PTDSS1: variants seen among roughly 807,000 people sequenced by gnomAD.
The protein encoded by PTDSS1 is phosphatidylserine synthase 1.
Under a neutral mutation model 70.5 loss-of-function variants are expected in PTDSS1, and 45 were observed. The ratio of observed to expected loss-of-function variants is 0.64; its 90% CI spans 0.50 to 0.82. PTDSS1 has a LOEUF of 0.82. Ranked by LOEUF, PTDSS1 falls within the 40% of genes least tolerant of loss-of-function variation. The pLI is 0.00. For synonymous variants in PTDSS1, 188 were observed against 203.8 expected, an observed-to-expected ratio of 0.92 and a Z score of 0.66; for missense variants, 417 against 586.1, an observed-to-expected ratio of 0.71 and a Z score of 2.98.
At chr8:96,303,617 G>A (rs1811080250) in intron 6 of PTDSS1, among the ~76,000 whole-genome samples, 2 of 152,188 alleles carry the variant, frequency 1.3e-5, no homozygotes, top group South Asian at 2.1e-4. Flanking sequence ...GGACTGTTTA[G>A]TTCTTTCATG....
In PTDSS1 at chr8:96,291,929, TC is replaced by T. The variant is rs574318546; in HGVS notation, c.442-3168del. ...TAAGATTGGTCATGGCTTTGTGAGG[TC>T]AACATCAGTTTTAAGATGCACCATC... On this transcript the variant is annotated intron_variant, in intron 4 of 12. Coordinates refer to ENST00000517309, the MANE Select transcript of PTDSS1 (RefSeq NM_014754.3). Among the ~76,000 whole-genome samples the T allele has an allele frequency of 2.0e-4, 30 of 152,166 alleles. No homozygotes were observed. In the South Asian group the frequency reaches 6.0e-3, roughly 31 times the overall value.
intron 2 of PTDSS1, among the ~76,000 whole-genome samples, chr8:96,281,013 G>T (rs2130035992): frequency 6.6e-6 from 1 of 152,268 alleles, no homozygotes. Flanking sequence ...ATGCCGGGCA[G>T]GTGATGCTGT....
At chr8:96,318,694 G>A (rs919530259) in intron 9 of PTDSS1, among the ~76,000 whole-genome samples, 9 of 152,088 alleles carry the variant, frequency 5.9e-5, no homozygotes, top group African/African-American at 2.2e-4. Flanking sequence ...CCTTGTTTTG[G>A]TTCGGGCTAG....
At chr8:96,312,858 C>T (rs899574706) in intron 9 of PTDSS1, among the ~76,000 whole-genome samples, 2 of 152,204 alleles carry the variant, frequency 1.3e-5, no homozygotes, top group Non-Finnish European at 2.9e-5. Context: ...TGCCCCAGCT[C>T]TACCTCCCTG....
chr8:96,297,517 C>A (rs1563572717), intron 5 of PTDSS1, among the ~76,000 whole-genome samples: 1 of 152,172 alleles, frequency 6.6e-6, no homozygotes. Flanking sequence ...TCCAACCCTG[C>A]CTACGAGGCT....
Position 96,273,298 on chromosome 8 carries a change from G to A in PTDSS1, c.180-1G>A. The A allele has an allele frequency of 1.9e-6, 3 of 1,590,872 alleles. No individual in the cohort carries two copies. Among genetic ancestry groups the A allele is most frequent in the Non-Finnish European group, 2.6e-6 (3 of 1,171,078 alleles). On this transcript the variant is annotated splice_acceptor_variant, in intron 1 of 12. Transcript: ENST00000517309. LOFTEE classifies it high-confidence loss of function. ...GCTCAATGTTGTTTTTCTATTTTCAGGGATGACTCTGTTCCAGAAGACAAC... is the reference window on the plus strand; with the variant it reads ...GCTCAATGTTGTTTTTCTATTTTCAAGGATGACTCTGTTCCAGAAGACAAC...
At chr8:96,310,832 C>A (rs1811200737) in intron 9 of PTDSS1, among the ~76,000 whole-genome samples, 1 of 151,382 alleles carries the variant, frequency 6.6e-6, no homozygotes, top group Admixed American at 6.6e-5. Flanking sequence ...GTGGCGTGAT[C>A]TCGGCTCACT....
At position 96,333,997 on chromosome 8, in the gene PTDSS1, T is replaced by G; in HGVS notation, c.*431T>G. 1 of 449,314 alleles carries G rather than the reference T, an allele frequency of 2.2e-6. No individual in the cohort carries two copies. Among genetic ancestry groups the G allele is most frequent in the Non-Finnish European group, 3.9e-6 (1 of 254,254 alleles). 27.8% of individuals were successfully genotyped at this position (449,314 alleles called of 1,614,324 possible). On this transcript the variant is annotated 3_prime_UTR_variant, in exon 13 of 13. Transcript: ENST00000517309. ...TTATTTTTATGAATCTACCTTTCCATTGATTGATTTAAGTTCAGGCCACTT... is the reference window on the plus strand; with the variant it reads ...TTATTTTTATGAATCTACCTTTCCAGTGATTGATTTAAGTTCAGGCCACTT...
chr8:96,270,857 A>G lies in PTDSS1; in HGVS notation c.180-2442A>G, dbSNP rs1810556382. Among the ~76,000 whole-genome samples, 3 of 152,216 alleles carry G rather than the reference A, an allele frequency of 2.0e-5. No individual in the cohort carries two copies. In the South Asian group the frequency reaches 6.2e-4, roughly 32 times the overall value. ...ATCCATTTGATCCTCTTTTTCTAAT[A>G]AAATTGCTCAAAATTTACAAAACTG... On this transcript the variant is annotated intron_variant, in intron 1 of 12. Transcript: ENST00000517309.
chr8:96,286,273 C>G (rs1810821164), intron 3 of PTDSS1, among the ~76,000 whole-genome samples: 1 of 152,192 alleles, frequency 6.6e-6, no homozygotes, highest in African/African-American at 2.4e-5. Context: ...GTGATCGTTT[C>G]TGAAATCTCT....
At chr8:96,284,317 C>T (rs1810791116) in intron 3 of PTDSS1, among the ~76,000 whole-genome samples, 164 bp downstream of exon 3, 1 of 152,126 alleles carries the variant, frequency 6.6e-6, no homozygotes, top group South Asian at 2.1e-4. Flanking sequence ...TTATTTGACA[C>T]AAAATAAAGT....
intron 9 of PTDSS1, among the ~76,000 whole-genome samples, chr8:96,311,734 G>A (rs903730493): frequency 1.3e-5 from 2 of 152,192 alleles, no homozygotes; most frequent in African/African-American, 4.8e-5. Context: ...GTTGTAAAAG[G>A]TGATAAGATG....
intron 6 of PTDSS1, among the ~76,000 whole-genome samples, chr8:96,300,829 G>T (rs962876443): frequency 1.3e-5 from 2 of 152,128 alleles, no homozygotes; most frequent in African/African-American, 4.8e-5. Context: ...AAGAAGACTG[G>T]AGTGATCATT....
At chr8:96,282,431 G>A (rs183871506) in intron 2 of PTDSS1, among the ~76,000 whole-genome samples, 2 of 152,300 alleles carry the variant, frequency 1.3e-5, no homozygotes, top group African/African-American at 4.8e-5. Flanking sequence ...CACTGTCTGA[G>A]CCCTCACTAT....
intron 7 of PTDSS1, 68 bp from the exon 8 acceptor site, chr8:96,306,376 A>T: frequency 3.6e-6 from 4 of 1,096,932 alleles, no homozygotes; most frequent in Non-Finnish European, 5.6e-6. Context: ...TAGAATGTCT[A>T]TTTAAGGAAT....
intron 12 of PTDSS1, among the ~76,000 whole-genome samples, chr8:96,331,394 T>C (rs1255487609): frequency 6.6e-6 from 1 of 151,904 alleles, no homozygotes; most frequent in Non-Finnish European, 1.5e-5. Context: ...CCAGGTGTGG[T>C]GGCGGGCGCC....
At chr8:96,296,054 T>C (rs1810969794) in intron 5 of PTDSS1, among the ~76,000 whole-genome samples, 1 of 151,252 alleles carries the variant, frequency 6.6e-6, no homozygotes. Flanking sequence ...GCAGTCGTGG[T>C]CCCTGGGCTT....
At chr8:96,292,289 CAAAAAAAAAAAA>C (rs34282078) in intron 4 of PTDSS1, among the ~76,000 whole-genome samples, 8 of 87,844 alleles carry the variant, frequency 9.1e-5, no homozygotes, top group Non-Finnish European at 1.5e-4. Flanking sequence ...AACGCTGTCT[CAAAAAAAAAAAA>C]AAAAAAAAAG....
rs1417586919 is a variant in PTDSS1 at position 96,335,610 on chromosome 8, A to G, written c.*2044A>G. ...GTGCACAGGAGATGATTTTTTCTCC[A>G]TGGCTTTGTAAGAAACAGCCAGGAA... On this transcript the variant is annotated 3_prime_UTR_variant, in exon 13 of 13. Coordinates refer to ENST00000517309, the MANE Select transcript of PTDSS1 (RefSeq NM_014754.3). The G allele has an allele frequency of 6.6e-6, 1 of 152,218 alleles. No homozygotes were observed. Among genetic ancestry groups the G allele is most frequent in the African/African-American group, 2.4e-5 (1 of 41,452 alleles). 9.4% of individuals were successfully genotyped at this position (152,218 alleles called of 1,614,324 possible). A position where few individuals can be genotyped will look rare whatever the true frequency, so the allele number is the denominator to read the frequency against.
Sources: allele counts gnomAD v4.1 joint callset (sites outside exome capture counted in the v4.1 genomes callset), GRCh38; gene constraint gnomAD v4.1.1; transcripts MANE v1.5; gene names NCBI Gene and HGNC (gene_info 2026-07-23, HGNC 2026-07-21).